The following CFDP1 variants were observed in gnomAD, a reference collection of about 807,000 sequenced individuals.
The protein encoded by CFDP1 is heterochromatin-stabilizing protein CFDP1.
CFDP1 carries 31 observed loss-of-function variants against 40.1 expected under a neutral mutation model. That is an observed-to-expected ratio of 0.77 (90% confidence interval 0.58 to 1.04). The LOEUF is 1.04. Among genes scored for constraint, CFDP1 ranks in the 50% least tolerant of loss-of-function variants. The pLI is 0.00. For missense variants in CFDP1, 423 were observed against 343.4 expected (o/e 1.23, Z -1.83); for synonymous variants, 167 against 120.0 (o/e 1.39, Z -2.56).
At position 75,384,852 on chromosome 16, in the gene CFDP1, C is replaced by CAATATA. The variant is rs1555561750; in HGVS notation, c.650+10237_650+10238insTATATT. Among the ~76,000 whole-genome samples, 489 of 119,930 alleles carry CAATATA rather than the reference C, an allele frequency of 4.1e-3. 52 individuals are homozygous for CAATATA. The highest frequency in any genetic ancestry group is 6.9e-3 in the African/African-American group (193 of 28,000). The allele number at this position is 119,930 out of a possible 152,430, so 78.7% of individuals were successfully genotyped here. On this transcript the variant is annotated intron_variant, in intron 5 of 6. Coordinates refer to ENST00000283882, the MANE Select transcript of CFDP1 (RefSeq NM_006324.3). ...TACAAGTTGCAAGAAGAAACTAAAA[C>CAATATA]TATATATATATATATATATATATAT...
chr16:75,406,771 T>G (rs1368778888), intron 4 of CFDP1: 1 of 152,164 alleles, frequency 6.6e-6, no homozygotes, highest in South Asian at 2.1e-4. Context: ...ATGCCTGTAA[T>G]CCCAGCACTT....
chr16:75,300,791 CTTTTT>C (rs370456557), intron 6 of CFDP1, among the ~76,000 whole-genome samples: 3 of 147,362 alleles, frequency 2.0e-5, no homozygotes, highest in African/African-American at 5.0e-5. Flanking sequence ...GCAGGGGATA[CTTTTT>C]TTTTTTGAGT....
chr16:75,298,029 C>G (rs1019049229), intron 6 of CFDP1, among the ~76,000 whole-genome samples: 1 of 152,194 alleles, frequency 6.6e-6, no homozygotes. Context: ...CACCTGATAT[C>G]TTTGCTTTCT....
In CFDP1 at chr16:75,313,341, TG is replaced by T. The variant is rs2078306557; in HGVS notation, c.651-8160del. Among the ~76,000 whole-genome samples, 8 of 152,320 alleles carry T rather than the reference TG, an allele frequency of 5.3e-5. No homozygotes were observed. In the East Asian group the frequency reaches 9.6e-4, roughly 18 times the overall value. ...CAGGTAGGCATGTGAGAGTTTTTTT[TG>T]TTTTTTTGACAGGGTCTCGCTCTGT... is the stretch of plus-strand genomic sequence containing the variant. On this transcript the variant is annotated intron_variant, in intron 5 of 6. Coordinates refer to ENST00000283882, the MANE Select transcript of CFDP1 (RefSeq NM_006324.3).
rs1177175641 is a variant in CFDP1, at chr16:75,415,336, C to T, written c.65-641G>A. ...CAACCCTGCCCACACAGAGATTCCA[C>T]TACCTTTTTCCTCTTTTACTTCATA... On this transcript the variant is annotated intron_variant, in intron 1 of 6. Transcript: ENST00000283882. Among the ~76,000 whole-genome samples, 3 of 152,204 alleles carry T rather than the reference C, an allele frequency of 2.0e-5. 1 individual carries two copies. The highest frequency in any genetic ancestry group is 4.4e-5 in the Non-Finnish European group (3 of 68,038).
intron 6 of CFDP1, among the ~76,000 whole-genome samples, chr16:75,298,766 T>C (rs1286281153): frequency 6.6e-6 from 1 of 152,184 alleles, no homozygotes; most frequent in African/African-American, 2.4e-5. Context: ...CAGTTTCTAA[T>C]TAAGTTTCTT....
At chr16:75,381,045 C>T (rs769680837) in intron 5 of CFDP1, among the ~76,000 whole-genome samples, 3 of 152,200 alleles carry the variant, frequency 2.0e-5, no homozygotes, top group African/African-American at 4.8e-5. Flanking sequence ...AGCAGTGGCA[C>T]GTAGAGTGGA....
At chr16:75,312,147 A>C (rs2078296801) in intron 5 of CFDP1, among the ~76,000 whole-genome samples, 1 of 152,114 alleles carries the variant, frequency 6.6e-6, no homozygotes, top group Non-Finnish European at 1.5e-5. Flanking sequence ...ACCTGTATAA[A>C]TCTCTAAGTA....
chr16:75,388,279 G>A (rs983686344), intron 5 of CFDP1, among the ~76,000 whole-genome samples: 1 of 152,226 alleles, frequency 6.6e-6, no homozygotes, highest in African/African-American at 2.4e-5. Context: ...TGCCTTAAAT[G>A]TGGTGAAGCA....
rs2079044331 is a variant in CFDP1 at position 75,400,710 on chromosome 16, C to T, written c.531-5501G>A. On this transcript the variant is annotated intron_variant, in intron 4 of 6. Coordinates refer to ENST00000283882, the MANE Select transcript of CFDP1 (RefSeq NM_006324.3). ...AATCTATGTATTCATTCTTCCTTTGCCAGAGCAACCCTGAAGCCTAGGTGT... is the reference window on the plus strand; with the variant it reads ...AATCTATGTATTCATTCTTCCTTTGTCAGAGCAACCCTGAAGCCTAGGTGT... 2.0e-5 allele frequency among the ~76,000 whole-genome samples: 3 copies of T among 152,168 alleles called. No homozygotes were observed. In the South Asian group the frequency reaches 6.2e-4, roughly 32 times the overall value.
intron 5 of CFDP1, among the ~76,000 whole-genome samples, chr16:75,378,876 A>C (rs915444975): frequency 2.6e-5 from 4 of 152,242 alleles, no homozygotes; most frequent in African/African-American, 9.6e-5. Flanking sequence ...CAAATTTAAA[A>C]GAGTTGAAAT....
intron 5 of CFDP1, among the ~76,000 whole-genome samples, chr16:75,350,462 T>C (rs550108063): frequency 7.0e-4 from 106 of 152,332 alleles, no homozygotes; most frequent in African/African-American, 2.4e-3. Context: ...TGTGGTTTGA[T>C]TTGCATCTCT....
chr16:75,420,790 AGAGT>A (rs1245315118), intron 1 of CFDP1, among the ~76,000 whole-genome samples: 1 of 152,222 alleles, frequency 6.6e-6, no homozygotes, highest in Non-Finnish European at 1.5e-5. Context: ...GAAAAAAATC[AGAGT>A]GAGTTTTCAC....
At chr16:75,334,336 A>G (rs1468883551) in intron 5 of CFDP1, among the ~76,000 whole-genome samples, 2 of 151,716 alleles carry the variant, frequency 1.3e-5, no homozygotes, top group Non-Finnish European at 2.9e-5. Flanking sequence ...AAGGACCGGG[A>G]AAGACGATGG....
intron 5 of CFDP1, among the ~76,000 whole-genome samples, chr16:75,374,209 C>T (rs1029406551): frequency 9.2e-5 from 14 of 151,740 alleles, no homozygotes; most frequent in African/African-American, 9.7e-5. Context: ...ACCGAGATCG[C>T]GCCACTGCAC....
intron 5 of CFDP1, among the ~76,000 whole-genome samples, chr16:75,377,430 T>C (rs1029991732): frequency 3.1e-4 from 47 of 152,346 alleles, no homozygotes; most frequent in African/African-American, 1.1e-3. Flanking sequence ...CCAATCACAA[T>C]TAAGATGATA....
At chr16:75,313,356 G>A (rs1023057186) in intron 5 of CFDP1, among the ~76,000 whole-genome samples, 5 of 152,112 alleles carry the variant, frequency 3.3e-5, no homozygotes, top group African/African-American at 1.2e-4. Context: ...TTTTGACAGG[G>A]TCTCGCTCTG....
chr16:75,316,746 G>C (rs2078325574), intron 5 of CFDP1, among the ~76,000 whole-genome samples: 1 of 152,146 alleles, frequency 6.6e-6, no homozygotes. Context: ...AAGGCGGGCG[G>C]ATCACCTGAG....
intron 5 of CFDP1, among the ~76,000 whole-genome samples, chr16:75,385,673 T>A (rs1023049001): frequency 6.6e-6 from 1 of 152,254 alleles, no homozygotes; most frequent in Non-Finnish European, 1.5e-5. Flanking sequence ...TGCTGCTTAA[T>A]GCTTTCTGGG....
Sources: gnomAD v4.1 joint callset for allele counts (sites outside exome capture counted in the v4.1 genomes callset) on GRCh38, gnomAD v4.1.1 for gene constraint, MANE v1.5 for transcripts, NCBI Gene and HGNC (gene_info 2026-07-23, HGNC 2026-07-21) for gene names.